Variants in ZNF331 observed in about 807,000 individuals in gnomAD.
ZNF331 encodes zinc finger protein 331.
In ZNF331, 2 loss-of-function variants were observed where a neutral mutation model predicts 7.0. That is an observed-to-expected ratio of 0.29 (90% CI 0.12 to 0.90). The LOEUF (loss-of-function observed/expected upper bound fraction) is 0.90, where lower values mean the gene tolerates loss of function less well. ZNF331 is among the 40% of genes least tolerant of loss of function. ZNF331 has a pLI of 0.58. For synonymous variants in ZNF331, 196 were observed against 205.4 expected, an observed-to-expected ratio of 0.95 and a Z score of 0.39; for missense variants, 432 against 587.7, an observed-to-expected ratio of 0.74 and a Z score of 2.74.
At chr19:53,568,243 C>CAAAAAAAAAAA (rs543201090) in intron 3 of ZNF331, among the ~76,000 whole-genome samples, 1 of 92,642 alleles carries the variant, frequency 1.1e-5, no homozygotes, top group Admixed American at 1.2e-4. Flanking sequence ...AGACTCCGTT[C>CAAAAAAAAAAA]AAAAAAAAAA....
Position 53,569,315 on chromosome 19 carries a change from C to A in ZNF331, c.-62C>A. Reference sequence around the variant, plus strand: ...TTTTCCACCCCTAGCTCTAGCCTCTCGGAATTTGTCTTCTTCAGTGGAAAC... The same window carrying A: ...TTTTCCACCCCTAGCTCTAGCCTCTAGGAATTTGTCTTCTTCAGTGGAAAC... On this transcript the variant is annotated 5_prime_UTR_variant, in exon 4 of 6. Coordinates refer to ENST00000449416, the MANE Select transcript of ZNF331 (RefSeq NM_001079906.2). The A allele has an allele frequency of 6.3e-7, 1 of 1,598,758 alleles. No homozygotes were observed. Among genetic ancestry groups the A allele is most frequent in the Non-Finnish European group, 8.6e-7 (1 of 1,167,730 alleles).
At chr19:53,572,305 T>C (rs981332644) in intron 5 of ZNF331, among the ~76,000 whole-genome samples, 2 of 152,020 alleles carry the variant, frequency 1.3e-5, no homozygotes, top group African/African-American at 2.4e-5. Flanking sequence ...TGGAAACTTA[T>C]TTTTCTTCTA....
At chr19:53,546,576 A>G (rs2147377267) in intron 2 of ZNF331, among the ~76,000 whole-genome samples, 1 of 151,672 alleles carries the variant, frequency 6.6e-6, no homozygotes, top group South Asian at 2.1e-4. Context: ...CTAGAGGTTC[A>G]TGTTAGCGCG....
At chr19:53,536,011 C>T (rs2087733488), upstream of ZNF331, among the ~76,000 whole-genome samples, 1 of 152,020 alleles carries the variant, frequency 6.6e-6, no homozygotes, top group African/African-American at 2.4e-5. Flanking sequence ...ACCATGTTGC[C>T]CAGGTTGGTC....
chr19:53,530,410 C>T (rs971606263), intron 2 of ZNF331, among the ~76,000 whole-genome samples: 11 of 152,064 alleles, frequency 7.2e-5, no homozygotes, highest in Middle Eastern at 3.4e-3. Context: ...GAGATTTAGA[C>T]GGGGCAAGTA....
chr19:53,577,620 C>T lies in ZNF331; in HGVS notation c.1060C>T (p.Pro354Ser). The change falls in exon 6 of 6, where the codon CCG becomes TCG. Residue 354 changes from proline (P) to serine (S), a missense_variant. By Grantham distance (74) the Pro-to-Ser change is moderately conservative. Around this residue, in one of 3 missense-constraint regions of ZNF331, gnomAD observed 312 missense variants for 448.6 expected, o/e 0.70. Transcript: ENST00000449416. ...KHERIHTGEK[P>S]YKCTECGKAF... ...CGAGAGGATACATACGGGCGAGAAG[C>T]CGTACAAGTGCACAGAATGTGGGAA... 2 of 1,613,714 alleles carry T rather than the reference C, an allele frequency of 1.2e-6. No individual in the cohort carries two copies. Among genetic ancestry groups the T allele is most frequent in the Non-Finnish European group, 1.7e-6 (2 of 1,179,954 alleles).
rs186694423 is a variant in ZNF331 at position 53,526,908 on chromosome 19, C to T, written c.-205+4224C>T. ...ATTGATTGCATTATAAGAAATATAACTTGCTGGGCGCAGTGCCTCATGCTT... is the reference window on the plus strand; with the variant it reads ...ATTGATTGCATTATAAGAAATATAATTTGCTGGGCGCAGTGCCTCATGCTT... On this transcript the variant is annotated intron_variant, in intron 2 of 6. Transcript: ENST00000253144. Among the ~76,000 whole-genome samples, 49 of 151,380 alleles carry T rather than the reference C, an allele frequency of 3.2e-4. 2 individuals carry two copies. The East Asian group carries it at 9.1e-3, about 28-fold the overall frequency.
chr19:53,521,977 C>G (rs1416826281), exon 1 of ZNF331: 2 of 152,200 alleles, frequency 1.3e-5, no homozygotes, highest in African/African-American at 4.8e-5. Flanking sequence ...GAAGGCTTCA[C>G]AAGTCACGAG....
chr19:53,509,806 G>A, the ZNF331 span, among the ~76,000 whole-genome samples: 1 of 152,222 alleles, frequency 6.6e-6, no homozygotes, highest in Non-Finnish European at 1.5e-5. Context: ...ACCTGAGCGG[G>A]TAATTTATAC....
chr19:53,551,917 TGAGGGATGGC>T, intron 2 of ZNF331, among the ~76,000 whole-genome samples: 1 of 152,292 alleles, frequency 6.6e-6, no homozygotes, highest in South Asian at 2.1e-4. Context: ...ATCTGGATAC[TGAGGGATGGC>T]TCTACAGCCT....
At chr19:53,562,488 G>A (rs1336469876) in intron 3 of ZNF331, among the ~76,000 whole-genome samples, 1 of 152,192 alleles carries the variant, frequency 6.6e-6, no homozygotes, top group Non-Finnish European at 1.5e-5. Flanking sequence ...TCAGGAGTTC[G>A]AGACCAGCCT....
intron 1 of ZNF331, among the ~76,000 whole-genome samples, chr19:53,522,381 C>G (rs909760372): frequency 6.6e-6 from 1 of 151,718 alleles, no homozygotes; most frequent in Non-Finnish European, 1.5e-5. Context: ...GGACCACAGG[C>G]GCACGCCACC....
At position 53,540,545 on chromosome 19, in the gene ZNF331, G is replaced by A. The variant is rs562899223; in HGVS notation, c.-138+1263G>A. Reference sequence around the variant, plus strand: ...CCTCCCAGATTCAAGTGATTCTCCCGCCTCAGCCTCCCGAGTAGCTGGGAT... The same window carrying A: ...CCTCCCAGATTCAAGTGATTCTCCCACCTCAGCCTCCCGAGTAGCTGGGAT... On this transcript the variant is annotated intron_variant, in intron 2 of 5. Transcript: ENST00000449416. Among the ~76,000 whole-genome samples the A allele has an allele frequency of 7.2e-3, 1,102 of 152,156 alleles. 7 individuals carry two copies. Among genetic ancestry groups the A allele is most frequent in the Non-Finnish European group, 0.011 (718 of 68,000 alleles).
At chr19:53,505,200 C>A in the ZNF331 span, among the ~76,000 whole-genome samples, 1 of 152,150 alleles carries the variant, frequency 6.6e-6, no homozygotes, top group Non-Finnish European at 1.5e-5. Context: ...CCACCCACAC[C>A]GCACTACAGC....
At chr19:53,546,011 G>A (rs1178371138) in intron 2 of ZNF331, among the ~76,000 whole-genome samples, 2 of 151,940 alleles carry the variant, frequency 1.3e-5, no homozygotes, top group South Asian at 2.1e-4. Flanking sequence ...GATTGGTTTC[G>A]GCTGTGGCCT....
At chr19:53,576,218 A>G (rs997276962) in intron 5 of ZNF331, among the ~76,000 whole-genome samples, 4 of 150,106 alleles carry the variant, frequency 2.7e-5, no homozygotes. Flanking sequence ...TCCCGACCTC[A>G]GGTGATCTGC....
intron 3 of ZNF331, among the ~76,000 whole-genome samples, chr19:53,557,438 A>G (rs898976666): frequency 1.3e-5 from 2 of 152,162 alleles, no homozygotes; most frequent in South Asian, 4.1e-4. Context: ...CACTAATCCT[A>G]TTCCTGAGCA....
intron 2 of ZNF331, among the ~76,000 whole-genome samples, chr19:53,542,716 AT>A (rs1443394296): frequency 6.6e-6 from 1 of 151,374 alleles, no homozygotes; most frequent in African/African-American, 2.5e-5. Flanking sequence ...TAATGTATTC[AT>A]TTTGTTAAAC....
At chr19:53,537,963 C>T (rs2087842510), upstream of ZNF331, 1 of 152,144 alleles carries the variant, frequency 6.6e-6, no homozygotes, top group Non-Finnish European at 1.5e-5. Context: ...CAGCTGAGCA[C>T]GCTATGTATC....
Sources: allele counts gnomAD v4.1 joint callset (sites outside exome capture counted in the v4.1 genomes callset), GRCh38; gene constraint gnomAD v4.1.1; regional missense constraint gnomAD v4.1.1; transcripts MANE v1.5; gene names NCBI Gene and HGNC (gene_info 2026-07-23, HGNC 2026-07-21).